Variants in PLAG1 observed in about 807,000 individuals in gnomAD.
PLAG1 encodes PLAG1 zinc finger, also known as zinc finger protein PLAG1.
PLAG1 carries 7 observed loss-of-function variants against 35.5 expected under a neutral mutation model. The observed-to-expected ratio is 0.20, with a 90% CI of 0.11 to 0.37. The LOEUF (loss-of-function observed/expected upper bound fraction) is 0.37. Ranked by LOEUF, PLAG1 falls within the 10% of genes least tolerant of loss-of-function variation. PLAG1 has a pLI of 1.00. For missense variants in PLAG1, 454 were observed against 602.8 expected (o/e 0.75, Z 2.58); for synonymous variants, 229 against 225.4 (o/e 1.02, Z -0.14).
At chr8:56,210,005 T>A (rs1311012575) in intron 1 of PLAG1, among the ~76,000 whole-genome samples, 2 of 152,230 alleles carry the variant, frequency 1.3e-5, no homozygotes, top group Non-Finnish European at 2.9e-5. Context: ...GTTTATCTTA[T>A]CTGAGATCAG....
At chr8:56,196,987 T>TGTGTGTGTGTGTGTGC (rs1227336889) in intron 1 of PLAG1, among the ~76,000 whole-genome samples, 49 of 149,546 alleles carry the variant, frequency 3.3e-4, no homozygotes, top group Non-Finnish European at 5.2e-4. Context: ...TGTGTGTGTG[T>TGTGTGTGTGTGTGTGC]GCTCCTCTCT....
intron 1 of PLAG1, among the ~76,000 whole-genome samples, chr8:56,195,563 G>A (rs567048271): frequency 9.6e-4 from 146 of 152,292 alleles, no homozygotes; most frequent in African/African-American, 3.2e-3. Context: ...GCTGGGGTAG[G>A]GTGGTGGTGG....
In PLAG1 at chr8:56,166,389, C is replaced by G. The variant is rs75108631; in HGVS notation, c.1357G>C (p.Val453Leu). The G allele has an allele frequency of 8.4e-5, 135 of 1,613,826 alleles. No homozygotes were observed. In the East Asian group the frequency reaches 1.0e-3, roughly 12 times the overall value. ...SYSQEEAHSS[V>L]SQLPPQTQDL... ...TGTGTTTGTGGGGGGAGCTGGGAAACAGAAGAATGTGCTTCTTCCTGGGAA... is the reference window on the plus strand; with the variant it reads ...TGTGTTTGTGGGGGGAGCTGGGAAAGAGAAGAATGTGCTTCTTCCTGGGAA... Residue 453 changes from valine to leucine, a missense_variant, in exon 5 of 5, where the codon GTT becomes CTT. By Grantham distance (32) the Val-to-Leu change is conservative. Coordinates refer to ENST00000316981, the MANE Select transcript of PLAG1 (RefSeq NM_002655.3).
intron 1 of PLAG1, among the ~76,000 whole-genome samples, chr8:56,185,662 C>T (rs570463737): frequency 6.6e-6 from 1 of 152,316 alleles, no homozygotes; most frequent in South Asian, 2.1e-4. Flanking sequence ...GCCACATTCT[C>T]AGCTGTCAAA....
At position 56,161,939 on chromosome 8, in the gene PLAG1, A is replaced by G. The variant is rs1811212703; in HGVS notation, c.*4304T>C. ...TTCTGTGTCATTTCTAGGCTAGATA[A>G]CATCAAAAGACACTGCCTTCCATCC... is the stretch of plus-strand genomic sequence containing the variant. On this transcript the variant is annotated 3_prime_UTR_variant, in exon 5 of 5. Coordinates refer to ENST00000316981, the MANE Select transcript of PLAG1 (RefSeq NM_002655.3). The G allele has an allele frequency of 8.8e-6, 2 of 227,502 alleles. No homozygotes were observed. Among genetic ancestry groups the G allele is most frequent in the Admixed American group, 1.1e-4 (2 of 17,574 alleles). 14.1% of individuals were successfully genotyped at this position (227,502 alleles called of 1,614,324 possible).
chr8:56,167,456 C>T lies in PLAG1; in HGVS notation c.290G>A (p.Cys97Tyr). 1 of 1,612,560 alleles carries T rather than the reference C, an allele frequency of 6.2e-7. No individual in the cohort carries two copies. Among genetic ancestry groups the T allele is most frequent in the East Asian group, 2.2e-5 (1 of 44,870 alleles). Residue 97 changes from cysteine to tyrosine, a missense_variant, in exon 5 of 5, where the codon TGT becomes TAT. Coordinates refer to ENST00000316981, the MANE Select transcript of PLAG1 (RefSeq NM_002655.3). This position sits in a 1 kb window ranked among gnomAD's most constrained non-coding sequence, Gnocchi z 5.9. ...SPEKTHKCNY[C>Y]EKMFHRKDHL... is the part of the protein sequence containing the mutation. ...ATCTTTCCGGTGAAACATTTTCTCA[C>T]AATAATTACACTTGTGGGTTTTCTC...
In PLAG1 at chr8:56,165,829, A is replaced by C. The variant is rs1811336789; in HGVS notation, c.*414T>G. On this transcript the variant is annotated 3_prime_UTR_variant, in exon 5 of 5. Coordinates refer to ENST00000316981, the MANE Select transcript of PLAG1 (RefSeq NM_002655.3). ...AATTTAAACCCTTGAGTTATTCACA[A>C]ACTTTTTATACAATTTACATTCTAT... 1 of 196,936 alleles carries C rather than the reference A, an allele frequency of 5.1e-6. No homozygotes were observed. The allele number at this position is 196,936 out of a possible 1,614,324, so 12.2% of individuals were successfully genotyped here.
chr8:56,181,901 T>C (rs1027116244), intron 1 of PLAG1, among the ~76,000 whole-genome samples: 1 of 152,160 alleles, frequency 6.6e-6, no homozygotes, highest in Non-Finnish European at 1.5e-5. Flanking sequence ...GATTTTTGCC[T>C]TAAAAAATGT....
chr8:56,161,531 C>T lies in PLAG1; in HGVS notation c.*4712G>A, dbSNP rs1180348030. 4.4e-6 allele frequency: 1 copy of T among 228,054 alleles called. No individual in the cohort carries two copies. The highest frequency in any genetic ancestry group is 8.7e-6 in the Non-Finnish European group (1 of 114,684). 14.1% of individuals were successfully genotyped at this position (228,054 alleles called of 1,614,324 possible). The stretch of plus-strand genomic sequence containing the variant: ...TTCACTCCACACCCTATTATAAAGC[C>T]CACTTTCCATTCTGAGTTACAGTCA... On this transcript the variant is annotated 3_prime_UTR_variant, in exon 5 of 5. Coordinates refer to ENST00000316981, the MANE Select transcript of PLAG1 (RefSeq NM_002655.3).
chr8:56,173,657 G>A (rs952221589), intron 2 of PLAG1, among the ~76,000 whole-genome samples: 21 of 151,522 alleles, frequency 1.4e-4, no homozygotes, highest in Non-Finnish European at 2.8e-4. Context: ...CTTTGCCTTG[G>A]TCTGATGAAC....
At position 56,172,507 on chromosome 8, in the gene PLAG1, C is replaced by T. The variant is rs1036639421; in HGVS notation, c.-216-1318G>A. Among the ~76,000 whole-genome samples, 6 of 152,176 alleles carry T rather than the reference C, an allele frequency of 3.9e-5. No homozygotes were observed. The South Asian group carries it at 8.3e-4, about 21-fold the overall frequency. On this transcript the variant is annotated intron_variant, in intron 2 of 4. Coordinates refer to ENST00000316981, the MANE Select transcript of PLAG1 (RefSeq NM_002655.3). Reference sequence around the variant, plus strand: ...TACTGAGTTTTTTGTAGGGTAATTACGAATATGAAAGACCATTTTGTGTAT... The same window carrying T: ...TACTGAGTTTTTTGTAGGGTAATTATGAATATGAAAGACCATTTTGTGTAT...
intron 1 of PLAG1, among the ~76,000 whole-genome samples, chr8:56,198,229 C>A (rs542288097): frequency 4.3e-4 from 66 of 152,340 alleles, no homozygotes; most frequent in African/African-American, 1.5e-3. Context: ...GTGGTCCTTG[C>A]CCTCCAAGGC....
intron 1 of PLAG1, among the ~76,000 whole-genome samples, chr8:56,197,849 T>G (rs1812430090): frequency 6.6e-6 from 1 of 152,172 alleles, no homozygotes; most frequent in African/African-American, 2.4e-5. Context: ...TGTCTGTACT[T>G]GTTGCGCAGG....
At position 56,168,085 on chromosome 8, in the gene PLAG1, T is replaced by C. The variant is rs1432317772; in HGVS notation, c.185A>G (p.Tyr62Cys). ...GGTGCAGTCTTGTTGTATGCACTTG[T>C]AGGGCCTCTCTCCTGTGTGAGAGTA... ...HSYSHTGERP[Y>C]KCIQQDCTKA... Residue 62 changes from tyrosine (Y) to cysteine (C), a missense_variant, in exon 4 of 5, where the codon TAC becomes TGC. Coordinates refer to ENST00000316981, the MANE Select transcript of PLAG1 (RefSeq NM_002655.3). 1.9e-6 allele frequency: 3 copies of C among 1,613,046 alleles called. No homozygotes were observed. The highest frequency in any genetic ancestry group is 1.3e-5 in the African/African-American group (1 of 74,916).
rs937413596 is a variant in PLAG1 at position 56,164,368 on chromosome 8, CATT to C, written c.*1872_*1874del. On this transcript the variant is annotated 3_prime_UTR_variant, in exon 5 of 5. Coordinates refer to ENST00000316981, the MANE Select transcript of PLAG1 (RefSeq NM_002655.3). ...ATATATATATTGAAGCCCCCATTTA[CATT>C]ATTACAATTTACATTTCTCCACAAA... 143 of 217,082 alleles carry C rather than the reference CATT, an allele frequency of 6.6e-4. 1 individual carries two copies. Among genetic ancestry groups the C allele is most frequent in the African/African-American group, 3.0e-3 (132 of 44,452 alleles). The allele number at this position is 217,082 out of a possible 1,614,324, so 13.4% of individuals were successfully genotyped here.
chr8:56,205,255 C>T (rs903411589), intron 1 of PLAG1, among the ~76,000 whole-genome samples: 1 of 151,708 alleles, frequency 6.6e-6, no homozygotes, highest in Non-Finnish European at 1.5e-5. Context: ...TCAATAATTT[C>T]TAACTTTCTC....
In PLAG1 at chr8:56,179,389, T is replaced by G; in HGVS notation, c.-217+20A>C. The G allele has an allele frequency of 3.0e-6, 1 of 333,078 alleles. No individual in the cohort carries two copies. The highest frequency in any genetic ancestry group is 4.3e-6 in the Non-Finnish European group (1 of 232,832). The allele number at this position is 333,078 out of a possible 1,614,324, so 20.6% of individuals were successfully genotyped here. ...TAATCACTTTGAAAGTCATGCCATA[T>G]AATGATAAAAGCCACCTACCTGAGG... is the stretch of plus-strand genomic sequence containing the variant. On this transcript the variant is annotated intron_variant, in intron 2 of 4. Transcript: ENST00000316981.
intron 1 of PLAG1, among the ~76,000 whole-genome samples, chr8:56,189,615 T>C (rs1812124841): frequency 6.6e-6 from 1 of 152,320 alleles, no homozygotes; most frequent in East Asian, 1.9e-4. Context: ...TTTATAATTA[T>C]TGATAATGCA....
intron 1 of PLAG1, among the ~76,000 whole-genome samples, chr8:56,200,251 T>C (rs575245291): frequency 6.6e-6 from 1 of 152,340 alleles, no homozygotes; most frequent in East Asian, 1.9e-4. Context: ...ATTTCGTTAA[T>C]GTCTCTATAA....
Sources: gnomAD v4.1 joint callset for allele counts (sites outside exome capture counted in the v4.1 genomes callset) on GRCh38, gnomAD v4.1.1 for gene constraint, Gnocchi (gnomAD v3.1) non-coding constraint, MANE v1.5 for transcripts, NCBI Gene and HGNC (gene_info 2026-07-23, HGNC 2026-07-21) for gene names.